CDK17: variants seen among roughly 807,000 people sequenced by gnomAD.
The protein encoded by CDK17 is cyclin-dependent kinase 17.
Under a neutral mutation model 77.6 loss-of-function variants are expected in CDK17, and 24 were observed. That is an observed-to-expected ratio of 0.31 (90% CI 0.22 to 0.44). The LOEUF (loss-of-function observed/expected upper bound fraction) is 0.44. Ranked by LOEUF, CDK17 falls within the 20% of genes least tolerant of loss-of-function variation. CDK17 has a pLI of 1.00. For missense variants in CDK17, 429 were observed against 622.5 expected, an observed-to-expected ratio of 0.69 and a Z score of 3.31; for synonymous variants, 203 against 210.4, an observed-to-expected ratio of 0.96 and a Z score of 0.30.
chr12:96,328,946 A>T (rs1387364259), intron 2 of CDK17, among the ~76,000 whole-genome samples: 1 of 152,226 alleles, frequency 6.6e-6, no homozygotes, highest in Admixed American at 6.5e-5. Flanking sequence ...AGAACTTGAA[A>T]CTAATTAGCT....
In CDK17 at chr12:96,280,204, A is replaced by G; in HGVS notation, c.*38T>C. 6.5e-7 allele frequency: 1 copy of G among 1,545,462 alleles called. No homozygotes were observed. Among genetic ancestry groups the G allele is most frequent in the Non-Finnish European group, 8.7e-7 (1 of 1,144,198 alleles). On this transcript the variant is annotated 3_prime_UTR_variant, in exon 17 of 17. Transcript: ENST00000261211. ...CAGTTCTGAGTCCTTGATTGGTAAG[A>G]AAGGCTGGGGGCTGGGCTTGAAACC...
At chr12:96,348,436 A>C (rs1278376844) in intron 1 of CDK17, among the ~76,000 whole-genome samples, 1 of 150,044 alleles carries the variant, frequency 6.7e-6, no homozygotes, top group African/African-American at 2.5e-5. Flanking sequence ...AGGCAGGAGA[A>C]CTGCTTCAAC....
intron 3 of CDK17, among the ~76,000 whole-genome samples, chr12:96,322,882 T>C (rs1172399323): frequency 6.6e-6 from 1 of 152,158 alleles, no homozygotes. Context: ...TCTTATGAAC[T>C]AGTGTGAGCC....
chr12:96,331,132 G>A (rs1030207793), intron 2 of CDK17, among the ~76,000 whole-genome samples: 2 of 152,090 alleles, frequency 1.3e-5, no homozygotes, highest in African/African-American at 2.4e-5. Context: ...TAGTAGAGAC[G>A]GGGTTTCACC....
intron 5 of CDK17, among the ~76,000 whole-genome samples, chr12:96,306,887 A>C (rs1006168632): frequency 6.6e-6 from 1 of 152,216 alleles, no homozygotes; most frequent in Non-Finnish European, 1.5e-5. Flanking sequence ...TGTATTTCCA[A>C]AAAGTATGCT....
intron 4 of CDK17, among the ~76,000 whole-genome samples, chr12:96,311,963 T>C (rs1193352586): frequency 6.6e-6 from 1 of 151,878 alleles, no homozygotes; most frequent in African/African-American, 2.4e-5. Flanking sequence ...CCAAAAACAT[T>C]CTAAAATAAG....
At chr12:96,358,107 C>T (rs1232715449) in intron 1 of CDK17, among the ~76,000 whole-genome samples, 3 of 151,734 alleles carry the variant, frequency 2.0e-5, no homozygotes, top group African/African-American at 7.3e-5. Flanking sequence ...AATAAAAACA[C>T]ACAATATATT....
chr12:96,336,930 T>C lies in CDK17; in HGVS notation c.-29-2065A>G, dbSNP rs549994764. Among the ~76,000 whole-genome samples the C allele has an allele frequency of 5.3e-5, 8 of 152,338 alleles. 1 individual carries two copies. Among genetic ancestry groups the C allele is most frequent in the African/African-American group, 1.9e-4 (8 of 41,590 alleles). ...GAACAATCTATCAATCTGTTTCTCTTGTCAATTTTCTTCTCTTGATCTTTT... is the reference window on the plus strand; with the variant it reads ...GAACAATCTATCAATCTGTTTCTCTCGTCAATTTTCTTCTCTTGATCTTTT... On this transcript the variant is annotated intron_variant, in intron 1 of 16. Transcript: ENST00000261211.
chr12:96,280,305 G>A, intron 16 of CDK17, 26 bp from the exon 17 acceptor site: 1 of 1,549,788 alleles, frequency 6.5e-7, no homozygotes, highest in Non-Finnish European at 8.7e-7. Flanking sequence ...ATTTTATGAG[G>A]CAGTTCAAGG....
chr12:96,364,825 T>C lies in CDK17; in HGVS notation c.-29-29960A>G, dbSNP rs61939067. On this transcript the variant is annotated intron_variant, in intron 1 of 16. Coordinates refer to ENST00000261211, the MANE Select transcript of CDK17 (RefSeq NM_002595.5). ...AATTACTGGGCTGGGAATTTGGTCC[T>C]ACCTTTAGTTTCATCAAGCACCATG... is the stretch of plus-strand genomic sequence containing the variant. 7.3e-3 allele frequency among the ~76,000 whole-genome samples: 1,119 copies of C among 152,312 alleles called. 7 individuals are homozygous for C. Among genetic ancestry groups the C allele is most frequent in the Middle Eastern group, 0.017 (5 of 294 alleles).
At chr12:96,331,195 G>A (rs145582311) in intron 2 of CDK17, among the ~76,000 whole-genome samples, 1,560 of 152,246 alleles carry the variant, frequency 0.01, 46 homozygotes, top group Admixed American at 0.061. Context: ...TGCCCACCTC[G>A]GCCTCCCCAA....
chr12:96,394,621 C>T, intron 1 of CDK17, among the ~76,000 whole-genome samples: 1 of 151,940 alleles, frequency 6.6e-6, no homozygotes, highest in East Asian at 1.9e-4. Context: ...TCGAGACCAG[C>T]CTGGCCAACA....
At chr12:96,391,253 C>T (rs1016821125) in intron 1 of CDK17, among the ~76,000 whole-genome samples, 3 of 150,928 alleles carry the variant, frequency 2.0e-5, no homozygotes, top group Admixed American at 1.3e-4. Context: ...TCATTAAGGA[C>T]GATTTTGGGG....
Position 96,297,671 on chromosome 12 carries a change from T to G in CDK17, c.766A>C (p.Ile256Leu). ...GTCAAGGATTTATCTGTGTGAACAA[T>G]GTCATGTAAGGTTACTATATTTGCA... ...KHANIVTLHD[I>L]VHTDKSLTLV... The change falls in exon 8 of 17, where the codon ATT (isoleucine) becomes CTT (leucine). Residue 256 changes from isoleucine to leucine, a missense_variant. Ile to Leu is a conservative substitution (Grantham distance 5, BLOSUM62 2). This residue lies in a region of CDK17 where 262 missense variants were observed against 385.4 expected (regional missense o/e 0.68). Transcript: ENST00000261211. The G allele has an allele frequency of 6.2e-7, 1 of 1,606,530 alleles. No homozygotes were observed. The highest frequency in any genetic ancestry group is 1.1e-5 in the South Asian group (1 of 90,646).
chr12:96,284,721 C>T (rs1366599982), intron 13 of CDK17, among the ~76,000 whole-genome samples: 1 of 151,760 alleles, frequency 6.6e-6, no homozygotes, highest in Non-Finnish European at 1.5e-5. Flanking sequence ...TGCACCACCA[C>T]GTCCGGCTAA....
At chr12:96,295,191 G>T in intron 9 of CDK17, 69 bp from the exon 10 acceptor site, 1 of 1,268,312 alleles carries the variant, frequency 7.9e-7, no homozygotes. Context: ...ATAAATGATG[G>T]TAAGCAGAAA....
chr12:96,279,776 A>C lies in CDK17; in HGVS notation c.*466T>G, dbSNP rs1351131622. 6.5e-6 allele frequency: 1 copy of C among 153,234 alleles called. No homozygotes were observed. Among genetic ancestry groups the C allele is most frequent in the Non-Finnish European group, 1.5e-5 (1 of 68,452 alleles). 9.5% of individuals were successfully genotyped at this position (153,234 alleles called of 1,614,324 possible). ...AGCAAAGCTAAATTTACATTCCAGG[A>C]AACACTGCAGTTTAATTTTAAAAAC... On this transcript the variant is annotated 3_prime_UTR_variant, in exon 17 of 17. Transcript: ENST00000261211.
intron 1 of CDK17, among the ~76,000 whole-genome samples, chr12:96,396,460 G>C (rs1410626702): frequency 6.6e-6 from 1 of 152,124 alleles, no homozygotes; most frequent in South Asian, 2.1e-4. Flanking sequence ...CGCTATTACA[G>C]GCAGTTTTTT....
intron 5 of CDK17, 98 bp downstream of exon 5, chr12:96,310,953 TA>T: frequency 7.9e-7 from 1 of 1,273,718 alleles, no homozygotes; most frequent in Non-Finnish European, 1.1e-6. Flanking sequence ...TTAGCTATTC[TA>T]AAGTCAAGTA....
Sources: allele counts gnomAD v4.1 joint callset (sites outside exome capture counted in the v4.1 genomes callset), GRCh38; gene constraint gnomAD v4.1.1; regional missense constraint gnomAD v4.1.1; transcripts MANE v1.5; gene names NCBI Gene and HGNC (gene_info 2026-07-23, HGNC 2026-07-21).